Variants in STAM2 observed in about 807,000 individuals in gnomAD.
STAM2 encodes signal transducing adapter molecule 2.
A neutral mutation model predicts 65.6 loss-of-function variants in STAM2; 51 were observed. The ratio of observed to expected loss-of-function variants is 0.78; its 90% confidence interval spans 0.62 to 0.98. STAM2 has a LOEUF of 0.98. Ranked by LOEUF, STAM2 falls within the 50% of genes least tolerant of loss-of-function variation. The pLI is 0.00. For missense variants in STAM2, 584 were observed against 617.8 expected, an observed-to-expected ratio of 0.95 and a Z score of 0.58; for synonymous variants, 198 against 208.4, an observed-to-expected ratio of 0.95 and a Z score of 0.43.
At chr2:152,149,332 T>C (rs964279793) in intron 2 of STAM2, among the ~76,000 whole-genome samples, 6 of 152,118 alleles carry the variant, frequency 3.9e-5, no homozygotes, top group Non-Finnish European at 8.8e-5. Flanking sequence ...TCATGTAAAT[T>C]AATCCCATAA....
chr2:152,121,320 A>G (rs1688850080), intron 13 of STAM2, among the ~76,000 whole-genome samples: 1 of 152,124 alleles, frequency 6.6e-6, no homozygotes, highest in Non-Finnish European at 1.5e-5. Context: ...GGTACTTGAA[A>G]ACAAACAAAA....
At chr2:152,173,406 A>T (rs7371111) in intron 1 of STAM2, among the ~76,000 whole-genome samples, 52,594 of 144,724 alleles carry the variant, frequency 0.36, 10,455 homozygotes, top group East Asian at 0.82. Flanking sequence ...ATATATATAT[A>T]TTTTTTTTCG....
intron 1 of STAM2, among the ~76,000 whole-genome samples, chr2:152,154,026 C>A (rs570294933): frequency 1.6e-4 from 24 of 152,112 alleles, no homozygotes; most frequent in African/African-American, 4.8e-4. Context: ...ATGAACAAGA[C>A]GAGAAACAAA....
At chr2:152,171,403 A>T (rs1425552115) in intron 1 of STAM2, among the ~76,000 whole-genome samples, 1 of 127,802 alleles carries the variant, frequency 7.8e-6, no homozygotes, top group African/African-American at 3.4e-5. Flanking sequence ...CAAAACCAAA[A>T]AACTTTTTAA....
At chr2:152,145,092 G>A (rs1369455779) in intron 5 of STAM2, 135 bp from the exon 6 acceptor site, 3 of 704,010 alleles carry the variant, frequency 4.3e-6, no homozygotes, top group African/African-American at 3.6e-5. Flanking sequence ...TCTTTTTTGA[G>A]ACAGGGTCTC....
chr2:152,135,253 A>G (rs1017323692), intron 8 of STAM2, among the ~76,000 whole-genome samples: 1 of 152,212 alleles, frequency 6.6e-6, no homozygotes, highest in Non-Finnish European at 1.5e-5. Flanking sequence ...CATGGTCACA[A>G]ATGATTTTAT....
At chr2:152,130,394 G>GGCC (rs1472522803) in intron 11 of STAM2, among the ~76,000 whole-genome samples, 2 of 151,966 alleles carry the variant, frequency 1.3e-5, no homozygotes, top group African/African-American at 4.8e-5. Flanking sequence ...TGGGACTACA[G>GGCC]GCCACCACCA....
chr2:152,122,847 C>G (rs1688882254), intron 13 of STAM2, among the ~76,000 whole-genome samples: 1 of 152,054 alleles, frequency 6.6e-6, no homozygotes, highest in Non-Finnish European at 1.5e-5. Context: ...AGGCAGATCC[C>G]TTGAGCTCAG....
chr2:152,156,736 G>T (rs1028458164), intron 1 of STAM2, among the ~76,000 whole-genome samples: 3 of 152,038 alleles, frequency 2.0e-5, no homozygotes, highest in South Asian at 2.1e-4. Context: ...GCTTTAAAAA[G>T]AATCTAGCTC....
chr2:152,135,907 T>A (rs185988041), intron 7 of STAM2, among the ~76,000 whole-genome samples: 1 of 151,960 alleles, frequency 6.6e-6, no homozygotes, highest in Admixed American at 6.6e-5. Context: ...CTGTCCAACA[T>A]GGTGAAACCT....
intron 2 of STAM2, among the ~76,000 whole-genome samples, chr2:152,149,153 T>C (rs1380202470): frequency 6.6e-6 from 1 of 152,176 alleles, no homozygotes; most frequent in Non-Finnish European, 1.5e-5. Context: ...GACTTTTTTG[T>C]TATATTATCT....
chr2:152,134,848 TC>T (rs1241670500), intron 8 of STAM2, among the ~76,000 whole-genome samples: 1 of 152,178 alleles, frequency 6.6e-6, no homozygotes. Context: ...TACGAGCTGT[TC>T]CTTTACACTC....
rs75827421 is a variant in STAM2 at position 152,151,929 on chromosome 2, T to G, written c.41-1700A>C. On this transcript the variant is annotated intron_variant, in intron 1 of 13. Coordinates refer to ENST00000263904, the MANE Select transcript of STAM2 (RefSeq NM_005843.6). Reference sequence around the variant, plus strand: ...TTCACCAGTTCATGAACATCTGGGTTGGTTGGTTGGTTGGTTGGTTGGCTT... The same window carrying G: ...TTCACCAGTTCATGAACATCTGGGTGGGTTGGTTGGTTGGTTGGTTGGCTT... Among the ~76,000 whole-genome samples, 191 of 152,216 alleles carry G rather than the reference T, an allele frequency of 1.3e-3. 1 individual carries two copies. Among genetic ancestry groups the G allele is most frequent in the African/African-American group, 4.5e-3 (185 of 41,538 alleles).
rs1689415106 is a variant in STAM2 at position 152,150,168 on chromosome 2, G to T, written c.102C>A (p.Asp34Glu). Residue 34 changes from aspartate (D) to glutamate (E), a missense_variant, in exon 2 of 14, where the codon GAC (aspartate) becomes GAA (glutamate). Coordinates refer to ENST00000263904, the MANE Select transcript of STAM2 (RefSeq NM_005843.6). ...EDWSLIMDICDKVGSTPNGAK... is the reference protein window; with the variant it reads ...EDWSLIMDICEKVGSTPNGAK... ...ACCCATTAGGAGTACTTCCAACTTT[G>T]TCACATATGTCCATAATAAGACTCC... 2 of 1,613,150 alleles carry T rather than the reference G, an allele frequency of 1.2e-6. No individual in the cohort carries two copies. The highest frequency in any genetic ancestry group is 1.7e-5 in the Admixed American group (1 of 59,964).
chr2:152,153,440 T>C (rs1689483557), intron 1 of STAM2, among the ~76,000 whole-genome samples: 1 of 152,010 alleles, frequency 6.6e-6, no homozygotes, highest in South Asian at 2.1e-4. Flanking sequence ...CAAACAACTA[T>C]ACTTCGTGAG....
At chr2:152,160,998 A>G (rs1480186522) in intron 1 of STAM2, among the ~76,000 whole-genome samples, 1 of 152,084 alleles carries the variant, frequency 6.6e-6, no homozygotes, top group Non-Finnish European at 1.5e-5. Context: ...TGGGAGGTGT[A>G]CCCAACAGCT....
chr2:152,129,707 G>A (rs1300080198), intron 11 of STAM2, among the ~76,000 whole-genome samples: 1 of 152,074 alleles, frequency 6.6e-6, no homozygotes, highest in African/African-American at 2.4e-5. Context: ...AAAAAATTGT[G>A]TCTGAACTAA....
intron 1 of STAM2, among the ~76,000 whole-genome samples, chr2:152,150,581 GT>G (rs1373336967): frequency 1.3e-5 from 2 of 152,148 alleles, no homozygotes; most frequent in African/African-American, 4.8e-5. Context: ...CAGGAAGATC[GT>G]TTGAGGCCAG....
At chr2:152,157,210 G>T (rs1689571381) in intron 1 of STAM2, among the ~76,000 whole-genome samples, 1 of 152,144 alleles carries the variant, frequency 6.6e-6, no homozygotes, top group Admixed American at 6.5e-5. Flanking sequence ...CCAAAGGCTG[G>T]GCTACACAAA....
Sources: gnomAD v4.1 joint callset for allele counts (sites outside exome capture counted in the v4.1 genomes callset) on GRCh38, gnomAD v4.1.1 for gene constraint, MANE v1.5 for transcripts, NCBI Gene and HGNC (gene_info 2026-07-23, HGNC 2026-07-21) for gene names.